Variants in PCCA observed in about 807,000 individuals in gnomAD.
The protein encoded by PCCA is propionyl-CoA carboxylase alpha chain, mitochondrial.
Under a neutral mutation model 101.3 loss-of-function variants are expected in PCCA, and 74 were observed. That is an observed-to-expected ratio of 0.73 (90% CI 0.61 to 0.89). The LOEUF (loss-of-function observed/expected upper bound fraction) is 0.89, where lower values mean the gene tolerates loss of function less well. Ranked by LOEUF, PCCA falls within the 40% of genes least tolerant of loss-of-function variation. PCCA has a pLI of 0.00. For synonymous variants in PCCA, 294 were observed against 313.6 expected (o/e 0.94, Z 0.66); for missense variants, 891 against 907.0 (o/e 0.98, Z 0.23).
intron 6 of PCCA, among the ~76,000 whole-genome samples, chr13:100,199,080 T>G (rs1023299995): frequency 4.6e-5 from 7 of 152,122 alleles, no homozygotes; most frequent in Non-Finnish European, 1.0e-4. Flanking sequence ...AAAATTTTTA[T>G]TGTAAAATAA....
intron 12 of PCCA, among the ~76,000 whole-genome samples, chr13:100,278,505 CAG>C (rs1283850118): frequency 1.4e-5 from 2 of 140,464 alleles, no homozygotes; most frequent in South Asian, 4.5e-4. Context: ...TTTTTTTAAA[CAG>C]AGTCTCACTC....
At chr13:100,117,998 C>T (rs2048979532) in intron 4 of PCCA, among the ~76,000 whole-genome samples, 2 of 151,682 alleles carry the variant, frequency 1.3e-5, no homozygotes, top group Non-Finnish European at 2.9e-5. Context: ...CTCCTGTGGT[C>T]CCAGCTACTT....
At chr13:100,459,993 C>T (rs757761283) in intron 21 of PCCA, among the ~76,000 whole-genome samples, 5 of 152,342 alleles carry the variant, frequency 3.3e-5, no homozygotes, top group African/African-American at 4.8e-5. Flanking sequence ...TGAAAGGCTG[C>T]GTCTCCAAAT....
chr13:100,355,411 G>A (rs192482710), intron 18 of PCCA, among the ~76,000 whole-genome samples: 1 of 152,082 alleles, frequency 6.6e-6, no homozygotes, highest in African/African-American at 2.4e-5. Flanking sequence ...GATTTTAGAT[G>A]TAGAAAATCT....
At chr13:100,509,984 G>A (rs1253508406) in intron 21 of PCCA, among the ~76,000 whole-genome samples, 1 of 152,182 alleles carries the variant, frequency 6.6e-6, no homozygotes, top group Non-Finnish European at 1.5e-5. Context: ...CGAAAACCCA[G>A]ATGAGGAGCT....
chr13:100,205,995 A>C (rs939066810), intron 6 of PCCA, among the ~76,000 whole-genome samples: 2 of 152,112 alleles, frequency 1.3e-5, no homozygotes, highest in African/African-American at 4.8e-5. Context: ...GCTTACCTCT[A>C]TTATCTCCTC....
intron 20 of PCCA, among the ~76,000 whole-genome samples, chr13:100,442,786 G>A (rs538589405): frequency 5.9e-4 from 90 of 152,312 alleles, no homozygotes; most frequent in African/African-American, 1.9e-3. Context: ...TGGCTAGGAA[G>A]TCCTCTCTGA....
At chr13:100,113,692 C>T (rs2048535502) in intron 4 of PCCA, among the ~76,000 whole-genome samples, 2 of 151,744 alleles carry the variant, frequency 1.3e-5, no homozygotes, top group Middle Eastern at 3.4e-3. Flanking sequence ...CATTCTCCTG[C>T]CTCATCCTCT....
At position 100,446,362 on chromosome 13, in the gene PCCA, C is replaced by T. The variant is rs2080833278; in HGVS notation, c.1846-2890C>T. Among the ~76,000 whole-genome samples the T allele has an allele frequency of 4.6e-5, 7 of 152,210 alleles. No homozygotes were observed. The South Asian group carries it at 1.4e-3, about 31-fold the overall frequency. The stretch of plus-strand genomic sequence containing the variant: ...GTTTTTAAATATCCAGCTTTAATGT[C>T]TGTCTTAACCTATCTAATGTCTTCC... On this transcript the variant is annotated intron_variant, in intron 20 of 23. Coordinates refer to ENST00000376285, the MANE Select transcript of PCCA (RefSeq NM_000282.4).
intron 17 of PCCA, among the ~76,000 whole-genome samples, chr13:100,334,401 A>C (rs1302066750): frequency 1.3e-5 from 2 of 152,168 alleles, no homozygotes; most frequent in Non-Finnish European, 2.9e-5. Context: ...ACCACTGCCT[A>C]ACTCTTTGGC....
chr13:100,144,621 C>T (rs2052309765), intron 4 of PCCA, among the ~76,000 whole-genome samples: 1 of 152,078 alleles, frequency 6.6e-6, no homozygotes, highest in East Asian at 1.9e-4. Flanking sequence ...ATTAAAAATA[C>T]ATACACTATA....
intron 19 of PCCA, among the ~76,000 whole-genome samples, chr13:100,405,099 C>G (rs2077592483): frequency 6.6e-6 from 1 of 152,154 alleles, no homozygotes; most frequent in Admixed American, 6.5e-5. Context: ...GAGAGGAAAG[C>G]ATGTCTTGTG....
intron 4 of PCCA, among the ~76,000 whole-genome samples, chr13:100,126,121 C>G (rs1271584768): frequency 3.3e-5 from 5 of 152,146 alleles, no homozygotes; most frequent in Admixed American, 1.3e-4. Context: ...TAGTGCCTGT[C>G]AGGTTGTGTA....
At chr13:100,187,419 T>C (rs182324607) in intron 6 of PCCA, among the ~76,000 whole-genome samples, 38 of 152,254 alleles carry the variant, frequency 2.5e-4, no homozygotes, top group Non-Finnish European at 4.7e-4. Context: ...AATAATGCTA[T>C]TTTTAGTCTG....
chr13:100,359,314 A>G (rs2074314383), intron 18 of PCCA, among the ~76,000 whole-genome samples: 1 of 152,158 alleles, frequency 6.6e-6, no homozygotes, highest in South Asian at 2.1e-4. Context: ...GTGTTTATAC[A>G]GTATTATCCT....
intron 12 of PCCA, chr13:100,293,090 AT>A: frequency 2.7e-6 from 1 of 373,960 alleles, no homozygotes; most frequent in Non-Finnish European, 5.5e-6. Context: ...ATAGAGAGGA[AT>A]AAAATCTTAA....
At chr13:100,265,101 T>C (rs2062837914) in intron 10 of PCCA, among the ~76,000 whole-genome samples, 1 of 152,190 alleles carries the variant, frequency 6.6e-6, no homozygotes, top group Non-Finnish European at 1.5e-5. Context: ...CTTTGTCAGA[T>C]GTATGTATAG....
chr13:100,407,972 G>A (rs1055714466), intron 19 of PCCA, among the ~76,000 whole-genome samples: 18 of 152,086 alleles, frequency 1.2e-4, no homozygotes, highest in African/African-American at 4.1e-4. Flanking sequence ...CCAACATGGT[G>A]AGACCCTGTC....
chr13:100,322,853 G>A (rs1463395704), intron 16 of PCCA, among the ~76,000 whole-genome samples: 2 of 152,122 alleles, frequency 1.3e-5, no homozygotes, highest in Non-Finnish European at 2.9e-5. Context: ...GGAATTAAAG[G>A]TGTGAGCCAC....
Sources: gnomAD v4.1 joint callset for allele counts (sites outside exome capture counted in the v4.1 genomes callset) on GRCh38, gnomAD v4.1.1 for gene constraint, MANE v1.5 for transcripts, NCBI Gene and HGNC (gene_info 2026-07-23, HGNC 2026-07-21) for gene names.